DIP2C: variants seen among roughly 807,000 people sequenced by gnomAD.
DIP2C encodes the protein DIP2 acetate--CoA ligase C (putative).
DIP2C carries 33 observed loss-of-function variants against 192.4 expected under a neutral mutation model. That is an observed-to-expected ratio of 0.17 (90% confidence interval 0.13 to 0.23). DIP2C has a LOEUF of 0.23. DIP2C is among the 10% of genes least tolerant of loss of function. The pLI, the probability that DIP2C is intolerant of heterozygous loss-of-function variation, is 1.00. For synonymous variants in DIP2C, 979 were observed against 864.1 expected (o/e 1.13, Z -2.33); for missense variants, 1,537 against 2,110.1 (o/e 0.73, Z 5.32).
intron 1 of DIP2C, among the ~76,000 whole-genome samples, chr10:607,496 G>A (rs1056291547): frequency 1.3e-5 from 2 of 152,162 alleles, no homozygotes; most frequent in South Asian, 2.1e-4. Flanking sequence ...GTATCTATGA[G>A]ATCGTCTCTA....
At chr10:278,094 G>A (rs1252729568) in intron 36 of DIP2C, among the ~76,000 whole-genome samples, 6 of 149,996 alleles carry the variant, frequency 4.0e-5, no homozygotes, top group Non-Finnish European at 8.9e-5. Context: ...TGCTGCTGAG[G>A]GCCATGCGTG....
At chr10:505,441 A>G (rs557950270) in intron 1 of DIP2C, among the ~76,000 whole-genome samples, 2 of 152,258 alleles carry the variant, frequency 1.3e-5, no homozygotes, top group East Asian at 1.9e-4. Flanking sequence ...TTTCCAATCT[A>G]TTAACCCCCT....
At chr10:291,077 T>A (rs961040483) in intron 32 of DIP2C, among the ~76,000 whole-genome samples, 1 of 152,222 alleles carries the variant, frequency 6.6e-6, no homozygotes, top group Non-Finnish European at 1.5e-5. Context: ...CTGTGTGTTT[T>A]TACCTTGGCC....
chr10:656,482 C>A (rs1469024444), intron 1 of DIP2C, among the ~76,000 whole-genome samples: 1 of 152,196 alleles, frequency 6.6e-6, no homozygotes, highest in East Asian at 1.9e-4. Context: ...AGCTCTTACC[C>A]AGTGCGGTAT....
chr10:498,409 A>C (rs11252791), intron 1 of DIP2C, among the ~76,000 whole-genome samples: 20,401 of 152,032 alleles, frequency 0.13, 2,746 homozygotes, highest in African/African-American at 0.35. Context: ...AACTAATTCC[A>C]CTCACAATCA....
chr10:497,583 A>G (rs930394026), intron 1 of DIP2C, among the ~76,000 whole-genome samples: 3 of 152,202 alleles, frequency 2.0e-5, no homozygotes, highest in Non-Finnish European at 2.9e-5. Flanking sequence ...CGCTCATACA[A>G]GGAATCCAAA....
rs372705122 is a variant in DIP2C at position 390,040 on chromosome 10, C to T, written c.1548G>A (p.Ala516=). Residue 516 remains alanine, a synonymous_variant, in exon 13 of 37, where the codon GCG becomes GCA. Coordinates refer to ENST00000280886, the MANE Select transcript of DIP2C (RefSeq NM_014974.3). ...SVLGVTVTRT[A]LLTHCQALTQ... ...TCAGGGCCTGGCAGTGTGTCAGCAG[C>T]GCAGTCCTCGTCACCGTCACACCCA... 130 of 1,614,032 alleles carry T rather than the reference C, an allele frequency of 8.1e-5. No homozygotes were observed. Among genetic ancestry groups the T allele is most frequent in the African/African-American group, 1.7e-4 (13 of 74,934 alleles).
intron 3 of DIP2C, among the ~76,000 whole-genome samples, chr10:444,287 G>A (rs537231738): frequency 6.6e-6 from 1 of 150,580 alleles, no homozygotes; most frequent in East Asian, 1.9e-4. Context: ...TCATTCATGA[G>A]GAGTGTTCCT....
rs1362761166 is a variant in DIP2C at position 635,435 on chromosome 10, A to C, written c.85+54059T>G. Among the ~76,000 whole-genome samples the C allele has an allele frequency of 2.0e-5, 3 of 152,350 alleles. No individual in the cohort carries two copies. In the East Asian group the frequency reaches 5.8e-4, roughly 29 times the overall value. On this transcript the variant is annotated intron_variant, in intron 1 of 36. Coordinates refer to ENST00000280886, the MANE Select transcript of DIP2C (RefSeq NM_014974.3). ...CCTGGACAGACACTGTACAGAGACC[A>C]GGGACTGGGCAGGGGGAGGTGGCAC...
chr10:616,096 C>T (rs1164145493), intron 1 of DIP2C, among the ~76,000 whole-genome samples: 1 of 152,196 alleles, frequency 6.6e-6, no homozygotes, highest in African/African-American at 2.4e-5. Context: ...CCAGGCACTT[C>T]TCTTCACCCA....
chr10:609,973 C>T (rs911734545), intron 1 of DIP2C, among the ~76,000 whole-genome samples: 6 of 152,056 alleles, frequency 3.9e-5, no homozygotes, highest in Non-Finnish European at 7.4e-5. Flanking sequence ...GGACAGGCTG[C>T]TTGAGAACAT....
chr10:385,300 G>C (rs117881683), intron 14 of DIP2C, among the ~76,000 whole-genome samples: 8 of 152,186 alleles, frequency 5.3e-5, no homozygotes, highest in African/African-American at 1.9e-4. Flanking sequence ...GTAGGGTCTG[G>C]GTGTAATCCT....
intron 1 of DIP2C, among the ~76,000 whole-genome samples, chr10:544,403 A>G (rs1383810750): frequency 4.6e-5 from 7 of 152,242 alleles, no homozygotes; most frequent in Non-Finnish European, 8.8e-5. Flanking sequence ...AGATTCTTGC[A>G]TAAGATTTTT....
chr10:474,765 A>G (rs752191154), intron 2 of DIP2C, among the ~76,000 whole-genome samples: 1 of 152,182 alleles, frequency 6.6e-6, no homozygotes, highest in Non-Finnish European at 1.5e-5. Context: ...CTGGGTGAAA[A>G]TTACTTTTAT....
chr10:562,209 T>C (rs1402268528), intron 1 of DIP2C, among the ~76,000 whole-genome samples: 1 of 152,214 alleles, frequency 6.6e-6, no homozygotes, highest in East Asian at 1.9e-4. Flanking sequence ...ATCTGATGTT[T>C]AACACACACA....
At chr10:647,384 G>A (rs1338364330) in intron 1 of DIP2C, among the ~76,000 whole-genome samples, 33 of 151,480 alleles carry the variant, frequency 2.2e-4, no homozygotes, top group Non-Finnish European at 5.9e-5. Context: ...GGGAAACTGA[G>A]TCCACGTCCA....
intron 18 of DIP2C, among the ~76,000 whole-genome samples, chr10:368,230 C>T (rs1377373085): frequency 6.6e-6 from 1 of 150,828 alleles, no homozygotes; most frequent in Admixed American, 6.6e-5. Context: ...CCCGCGGTTG[C>T]TCTCACTGCT....
intron 1 of DIP2C, among the ~76,000 whole-genome samples, chr10:518,169 G>A (rs1846481264): frequency 6.6e-6 from 1 of 152,260 alleles, no homozygotes; most frequent in Non-Finnish European, 1.5e-5. Context: ...ACCCAGTGCT[G>A]CTGACCACCC....
chr10:684,858 C>G (rs1300678785), intron 1 of DIP2C, among the ~76,000 whole-genome samples: 3 of 152,108 alleles, frequency 2.0e-5, no homozygotes, highest in Non-Finnish European at 2.9e-5. Flanking sequence ...CACAGCCAGG[C>G]ACGGTGGCTC....
Sources: allele counts gnomAD v4.1 joint callset (sites outside exome capture counted in the v4.1 genomes callset), GRCh38; gene constraint gnomAD v4.1.1; transcripts MANE v1.5; gene names NCBI Gene and HGNC (gene_info 2026-07-23, HGNC 2026-07-21).